Variants in LINGO1 observed in about 807,000 individuals in gnomAD.
The protein encoded by LINGO1 is leucine rich repeat and Ig domain containing 1.
Under a neutral mutation model 37.3 loss-of-function variants are expected in LINGO1, and 11 were observed. The ratio of observed to expected loss-of-function variants is 0.29; its 90% CI spans 0.19 to 0.49. The LOEUF (loss-of-function observed/expected upper bound fraction) is 0.49. LINGO1 is among the 20% of genes least tolerant of loss of function. The pLI, the probability that LINGO1 is intolerant of heterozygous loss-of-function variation, is 0.99. For missense variants in LINGO1, 585 were observed against 878.2 expected (o/e 0.67, Z 4.22); for synonymous variants, 387 against 403.0 (o/e 0.96, Z 0.48).
intron 1 of LINGO1, among the ~76,000 whole-genome samples, chr15:77,780,350 C>T (rs1377791126): frequency 2.6e-5 from 4 of 152,100 alleles, no homozygotes; most frequent in East Asian, 1.9e-4. Flanking sequence ...GGCCAACACG[C>T]AGCCTAGGCA....
intron 3 of LINGO1, chr15:77,641,651 G>A (rs1416444920): frequency 1.7e-5 from 6 of 357,732 alleles, no homozygotes; most frequent in Admixed American, 7.4e-5. Context: ...AGGAGTGGGC[G>A]TGGTAGGAGG....
chr15:77,675,751 A>G (rs543646535), intron 3 of LINGO1, among the ~76,000 whole-genome samples: 31 of 152,276 alleles, frequency 2.0e-4, no homozygotes, highest in African/African-American at 7.5e-4. Flanking sequence ...TAGAGAACAT[A>G]TTACCTTAAT....
rs779491608 is a variant in LINGO1 at position 77,615,167 on chromosome 15, G to A, written c.740C>T (p.Ser247Phe). The A allele has an allele frequency of 5.6e-6, 9 of 1,613,848 alleles. No individual in the cohort carries two copies. The highest frequency in any genetic ancestry group is 7.6e-6 in the Non-Finnish European group (9 of 1,179,824). The change falls in exon 2 of 2, where the codon TCC becomes TTC. Residue 247 changes from serine to phenylalanine, a missense_variant. Around this residue, in one of 4 missense-constraint regions of LINGO1, gnomAD observed 484 missense variants for 735.0 expected, o/e 0.66. Coordinates refer to ENST00000355300, the MANE Select transcript of LINGO1 (RefSeq NM_032808.7). ...CATGGTGTCCAAGTAGGGCCAGTGG[G>A]AGATCTCCAAGACCTTGAGTCGGTA... ...RLYRLKVLEISHWPYLDTMTP... is the reference protein window; with the variant it reads ...RLYRLKVLEIFHWPYLDTMTP...
intron 1 of LINGO1, among the ~76,000 whole-genome samples, chr15:77,624,163 C>CTGTGTGTG (rs56162459): frequency 1.5e-5 from 2 of 131,758 alleles, no homozygotes; most frequent in African/African-American, 5.6e-5. Context: ...TGAGTGGCCT[C>CTGTGTGTG]TGTGTGTGTG....
chr15:77,780,546 A>G (rs1041615917), intron 1 of LINGO1, among the ~76,000 whole-genome samples: 1 of 152,066 alleles, frequency 6.6e-6, no homozygotes, highest in East Asian at 1.9e-4. Flanking sequence ...TTGCAACACA[A>G]TGCCAGCCTG....
At chr15:77,781,452 C>T (rs1278494111) in intron 1 of LINGO1, among the ~76,000 whole-genome samples, 1 of 152,208 alleles carries the variant, frequency 6.6e-6, no homozygotes, top group Non-Finnish European at 1.5e-5. Flanking sequence ...TTTCATAAGA[C>T]ATGTTTAATT....
At chr15:77,667,559 A>C (rs73457842) in intron 3 of LINGO1, 13,318 of 152,194 alleles carry the variant, frequency 0.088, 819 homozygotes, top group African/African-American at 0.17. Context: ...AGCCCCGCTG[A>C]GTCTCTTGCT....
chr15:77,789,321 C>T (rs1187435590), upstream of LINGO1, among the ~76,000 whole-genome samples: 1 of 152,150 alleles, frequency 6.6e-6, no homozygotes, highest in East Asian at 1.9e-4. Context: ...AAGAAGGAGG[C>T]ATTTGGAGAT....
chr15:77,649,910 G>A (rs1180327519), intron 3 of LINGO1, among the ~76,000 whole-genome samples: 3 of 152,196 alleles, frequency 2.0e-5, no homozygotes, highest in South Asian at 2.1e-4. Flanking sequence ...CAGGGGGTTG[G>A]TTATGGCAAA....
intron 3 of LINGO1, among the ~76,000 whole-genome samples, chr15:77,642,483 G>A (rs1372452859): frequency 1.3e-5 from 2 of 152,208 alleles, no homozygotes; most frequent in African/African-American, 4.8e-5. Context: ...CCTCAGGCTG[G>A]GGGTCTGCAG....
chr15:77,616,339 AG>A (rs1316267286), intron 1 of LINGO1, among the ~76,000 whole-genome samples: 1 of 152,172 alleles, frequency 6.6e-6, no homozygotes, highest in African/African-American at 2.4e-5. Context: ...TGAGGCCTCT[AG>A]GAACAGCCCC....
intron 2 of LINGO1, among the ~76,000 whole-genome samples, chr15:77,727,225 ATGTG>A (rs1280774176): frequency 3.9e-5 from 6 of 152,218 alleles, no homozygotes; most frequent in African/African-American, 1.4e-4. Context: ...GGGTGTGTGT[ATGTG>A]TGTGCATATA....
intron 3 of LINGO1, among the ~76,000 whole-genome samples, chr15:77,650,974 T>C (rs2074747189): frequency 6.6e-6 from 1 of 152,074 alleles, no homozygotes; most frequent in Non-Finnish European, 1.5e-5. Flanking sequence ...TTTCAGAGGC[T>C]AGGTCCAGAG....
intron 1 of LINGO1, among the ~76,000 whole-genome samples, chr15:77,772,058 C>A (rs1056861999): frequency 6.6e-6 from 1 of 152,210 alleles, no homozygotes; most frequent in Admixed American, 6.5e-5. Context: ...AGGCCTGCAG[C>A]AAATGCCATT....
upstream of LINGO1, among the ~76,000 whole-genome samples, chr15:77,700,406 G>A (rs987096158): frequency 2.0e-5 from 3 of 152,164 alleles, no homozygotes; most frequent in Non-Finnish European, 4.4e-5. Flanking sequence ...CTGTGAAATG[G>A]GATTTCTCTA....
chr15:77,765,938 A>G, intron 1 of LINGO1, among the ~76,000 whole-genome samples: 1 of 152,134 alleles, frequency 6.6e-6, no homozygotes, highest in Non-Finnish European at 1.5e-5. Flanking sequence ...CAACCCACTG[A>G]ACATCGTCAA....
rs1446951797 is a variant in LINGO1 at position 77,803,790 on chromosome 15, C to CG, written c.-457-7738_-457-7737insC. ...ATGAGTAAAAGCTCCTGAGGCCTCC[C>CG]CAGAAGCTGAGCAGATGTTGCCACC... On this transcript the variant is annotated intron_variant, in intron 1 of 5. Coordinates refer to the LINGO1 transcript ENST00000562933. Among the ~76,000 whole-genome samples, 32 of 152,250 alleles carry CG rather than the reference C, an allele frequency of 2.1e-4. No individual in the cohort carries two copies. In the East Asian group the frequency reaches 6.0e-3, roughly 29 times the overall value.
intron 3 of LINGO1, among the ~76,000 whole-genome samples, chr15:77,656,380 A>G (rs559611726): frequency 6.6e-6 from 1 of 152,106 alleles, no homozygotes; most frequent in East Asian, 1.9e-4. Context: ...TCCCTTCCTA[A>G]AAAACACAGA....
chr15:77,642,593 C>G (rs927280099), intron 3 of LINGO1, among the ~76,000 whole-genome samples: 1 of 152,178 alleles, frequency 6.6e-6, no homozygotes, highest in African/African-American at 2.4e-5. Context: ...GGAGGGCAGT[C>G]TGGGCCTAGG....
Sources: gnomAD v4.1 joint callset for allele counts (sites outside exome capture counted in the v4.1 genomes callset) on GRCh38, gnomAD v4.1.1 for gene constraint, gnomAD v4.1.1 regional missense constraint, MANE v1.5 for transcripts, NCBI Gene and HGNC (gene_info 2026-07-23, HGNC 2026-07-21) for gene names.